Variants in DHRS9 observed in about 807,000 individuals in gnomAD.
DHRS9 encodes dehydrogenase/reductase 9.
A neutral mutation model predicts 26.6 loss-of-function variants in DHRS9; 18 were observed. The ratio of observed to expected loss-of-function variants is 0.68; its 90% CI spans 0.47 to 1.00. DHRS9 has a LOEUF of 1.00. DHRS9 is among the 50% of genes least tolerant of loss of function. The pLI, the probability that DHRS9 is intolerant of heterozygous loss-of-function variation, is 0.00. For missense variants in DHRS9, 425 were observed against 378.7 expected (o/e 1.12, Z -1.01); for synonymous variants, 134 against 141.1 (o/e 0.95, Z 0.36).
At chr2:169,078,478 AT>A (rs1684032098) in intron 1 of DHRS9, among the ~76,000 whole-genome samples, 1 of 152,222 alleles carries the variant, frequency 6.6e-6, no homozygotes, top group African/African-American at 2.4e-5. Flanking sequence ...CTGAAGCCAG[AT>A]TTGAGCAAAA....
Position 169,096,026 on chromosome 2 carries a change from T to A in DHRS9, c.*259T>A. On this transcript the variant is annotated 3_prime_UTR_variant, in exon 5 of 5. Coordinates refer to ENST00000674881, the MANE Select transcript of DHRS9 (RefSeq NM_001376924.1). ...TTTAGGCTTTGCCTGCTTGGTGTGATGTAAGGGAAATTGAAAGACTTGCCC... is the reference window on the plus strand; with the variant it reads ...TTTAGGCTTTGCCTGCTTGGTGTGAAGTAAGGGAAATTGAAAGACTTGCCC... The A allele has an allele frequency of 2.0e-6, 1 of 489,150 alleles. No individual in the cohort carries two copies. Among genetic ancestry groups the A allele is most frequent in the Non-Finnish European group, 3.7e-6 (1 of 271,398 alleles). The allele number at this position is 489,150 out of a possible 1,614,324, so 30.3% of individuals were successfully genotyped here.
intron 1 of DHRS9, among the ~76,000 whole-genome samples, chr2:169,076,743 A>C (rs936003047): frequency 6.6e-6 from 1 of 152,224 alleles, no homozygotes; most frequent in Admixed American, 6.5e-5. Context: ...TCGAAAATTC[A>C]TGTATAACTT....
intron 4 of DHRS9, among the ~76,000 whole-genome samples, chr2:169,093,311 C>T (rs1015434737): frequency 8.7e-5 from 13 of 150,248 alleles, no homozygotes; most frequent in Non-Finnish European, 1.8e-4. Flanking sequence ...TGACTGACTC[C>T]TCCAACCACC....
chr2:169,070,394 GA>G, intron 1 of DHRS9: 1 of 985,354 alleles, frequency 1.0e-6, no homozygotes, highest in African/African-American at 1.7e-5. Flanking sequence ...TGATGTTTAG[GA>G]GGTGTGCTTC....
chr2:169,069,590 C>T lies in DHRS9; in HGVS notation c.-187C>T, dbSNP rs1465875499. On this transcript the variant is annotated 5_prime_UTR_variant, in exon 1 of 5. Transcript: ENST00000674881. ...TCAGAGCTCTACGGAAACCCAGGCA[C>T]CTCGACCTCAAGAGGATCAGCCTGG... 2 of 985,288 alleles carry T rather than the reference C, an allele frequency of 2.0e-6. No homozygotes were observed. The highest frequency in any genetic ancestry group is 3.5e-5 in the African/African-American group (2 of 57,224). The allele number at this position is 985,288 out of a possible 1,614,324, so 61.0% of individuals were successfully genotyped here.
chr2:169,068,057 T>C (rs1683696306), upstream of DHRS9, among the ~76,000 whole-genome samples: 1 of 152,254 alleles, frequency 6.6e-6, no homozygotes, highest in South Asian at 2.1e-4. Flanking sequence ...TTAACTATTG[T>C]TATAACTTTT....
At chr2:169,088,220 T>C (rs1431516095) in intron 3 of DHRS9, among the ~76,000 whole-genome samples, 2 of 152,172 alleles carry the variant, frequency 1.3e-5, no homozygotes, top group Non-Finnish European at 2.9e-5. Flanking sequence ...GCTCCCTCTA[T>C]GGGTGCTGGC....
chr2:169,095,281 C>G (rs1344456403), intron 4 of DHRS9, among the ~76,000 whole-genome samples: 2 of 152,170 alleles, frequency 1.3e-5, no homozygotes, highest in Non-Finnish European at 2.9e-5. Flanking sequence ...GTCAGAAACT[C>G]TGGAGGTGGA....
chr2:169,074,821 T>C (rs552970590), intron 1 of DHRS9, among the ~76,000 whole-genome samples: 3 of 152,222 alleles, frequency 2.0e-5, no homozygotes, highest in Non-Finnish European at 2.9e-5. Flanking sequence ...TAGGTTAGCA[T>C]TGGCAGTCCC....
intron 3 of DHRS9, among the ~76,000 whole-genome samples, chr2:169,085,896 C>A (rs1015189153): frequency 6.6e-6 from 1 of 152,142 alleles, no homozygotes; most frequent in African/African-American, 2.4e-5. Context: ...AATCTCCAAA[C>A]AAATATTGCT....
chr2:169,080,949 A>C (rs1306891370), intron 1 of DHRS9: 2 of 157,910 alleles, frequency 1.3e-5, no homozygotes, highest in Non-Finnish European at 2.7e-5. Context: ...ATGATCTCAG[A>C]GTTGGGTTGA....
intron 3 of DHRS9, among the ~76,000 whole-genome samples, chr2:169,087,747 G>C (rs1228661798): frequency 6.6e-6 from 1 of 152,248 alleles, no homozygotes; most frequent in African/African-American, 2.4e-5. Flanking sequence ...AAGGCAGTGG[G>C]TTTCCTTCTG....
intron 1 of DHRS9, among the ~76,000 whole-genome samples, chr2:169,079,446 A>G (rs556243853): frequency 6.6e-6 from 1 of 152,276 alleles, no homozygotes; most frequent in South Asian, 2.1e-4. Flanking sequence ...TATAATCATT[A>G]CTATCTTCTT....
upstream of DHRS9, among the ~76,000 whole-genome samples, chr2:169,067,628 A>G (rs1378986141): frequency 6.6e-6 from 1 of 152,076 alleles, no homozygotes; most frequent in Non-Finnish European, 1.5e-5. Context: ...ATTTGGTTCC[A>G]GATTTTTTTT....
chr2:169,075,441 A>G (rs1683936124), intron 1 of DHRS9, among the ~76,000 whole-genome samples: 1 of 152,132 alleles, frequency 6.6e-6, no homozygotes, highest in African/African-American at 2.4e-5. Flanking sequence ...CTTACTCTTT[A>G]AATACTTCAG....
intron 4 of DHRS9, among the ~76,000 whole-genome samples, chr2:169,094,368 A>G (rs1253129145): frequency 1.3e-5 from 2 of 151,818 alleles, no homozygotes; most frequent in African/African-American, 2.4e-5. Context: ...CCCATTCTGT[A>G]TGTTTTCTCT....
chr2:169,077,900 G>A (rs984012400), intron 1 of DHRS9, among the ~76,000 whole-genome samples: 2 of 152,182 alleles, frequency 1.3e-5, no homozygotes, highest in African/African-American at 4.8e-5. Flanking sequence ...GTTATGAGGG[G>A]AGATGACTCT....
chr2:169,078,302 G>T (rs1684025997), intron 1 of DHRS9, among the ~76,000 whole-genome samples: 1 of 152,086 alleles, frequency 6.6e-6, no homozygotes, highest in African/African-American at 2.4e-5. Context: ...CATGCCCCTG[G>T]TAAAAATGAC....
intron 1 of DHRS9, among the ~76,000 whole-genome samples, chr2:169,079,605 G>A (rs188850942): frequency 8.7e-4 from 132 of 151,758 alleles, no homozygotes; most frequent in African/African-American, 2.3e-3. Context: ...TGTAATCCCC[G>A]CACTTTGGGA....
Sources: gnomAD v4.1 joint callset for allele counts (sites outside exome capture counted in the v4.1 genomes callset) on GRCh38, gnomAD v4.1.1 for gene constraint, MANE v1.5 for transcripts, NCBI Gene and HGNC (gene_info 2026-07-23, HGNC 2026-07-21) for gene names.